The following PLXNA4 variants were observed in gnomAD, a reference collection of about 807,000 sequenced individuals.
The protein encoded by PLXNA4 is plexin-A4.
Under a neutral mutation model 191.8 loss-of-function variants are expected in PLXNA4, and 44 were observed. The ratio of observed to expected loss-of-function variants is 0.23; its 90% CI spans 0.18 to 0.29. The LOEUF is 0.29. Among genes scored for constraint, PLXNA4 ranks in the 10% least tolerant of loss-of-function variants. The pLI is 1.00. For synonymous variants in PLXNA4, 1,082 were observed against 1,009.5 expected (o/e 1.07, Z -1.36); for missense variants, 1,800 against 2,488.8 (o/e 0.72, Z 5.89).
At chr7:132,633,283 T>TA (rs1491221888) in intron 2 of PLXNA4, among the ~76,000 whole-genome samples, 13 of 27,578 alleles carry the variant, frequency 4.7e-4, no homozygotes, top group Admixed American at 4.3e-3. Flanking sequence ...GAGGTTCTCA[T>TA]TTTTTTTTTT....
intron 24 of PLXNA4, among the ~76,000 whole-genome samples, chr7:132,161,045 C>T (rs917233216): frequency 3.2e-4 from 48 of 152,326 alleles, no homozygotes; most frequent in African/African-American, 1.1e-3. Flanking sequence ...TCCCAGCTCT[C>T]CCCTCCTTCT....
intron 2 of PLXNA4, among the ~76,000 whole-genome samples, chr7:132,582,632 A>G (rs1384914231): frequency 6.6e-6 from 1 of 152,188 alleles, no homozygotes; most frequent in Non-Finnish European, 1.5e-5. Flanking sequence ...GAGCCACCCT[A>G]GGAGCCCATC....
chr7:132,363,276 C>T (rs1394499261), intron 3 of PLXNA4, among the ~76,000 whole-genome samples: 3 of 152,178 alleles, frequency 2.0e-5, no homozygotes, highest in African/African-American at 7.2e-5. Context: ...TGAGCCACCG[C>T]ACCCAGTCCC....
intron 4 of PLXNA4, among the ~76,000 whole-genome samples, chr7:132,294,002 TA>T (rs1800985847): frequency 1.3e-5 from 2 of 152,182 alleles, no homozygotes; most frequent in Admixed American, 1.3e-4. Context: ...ACAAGTAAAC[TA>T]AAGAGACTAA....
At chr7:132,430,648 A>AAT (rs1795224198) in intron 3 of PLXNA4, among the ~76,000 whole-genome samples, 1 of 152,230 alleles carries the variant, frequency 6.6e-6, no homozygotes, top group African/African-American at 2.4e-5. Context: ...TGCAGTCTTC[A>AAT]TGCCTCTTGA....
At chr7:132,438,701 C>T (rs1390274516) in intron 3 of PLXNA4, among the ~76,000 whole-genome samples, 3 of 152,212 alleles carry the variant, frequency 2.0e-5, no homozygotes, top group Non-Finnish European at 4.4e-5. Flanking sequence ...ATGCCCTGCA[C>T]ATATTAACAC....
chr7:132,206,781 G>A (rs982255254), intron 10 of PLXNA4, among the ~76,000 whole-genome samples: 11 of 152,160 alleles, frequency 7.2e-5, no homozygotes, highest in East Asian at 5.8e-4. Flanking sequence ...CCTGGACCAC[G>A]GGCTCCCGTC....
intron 3 of PLXNA4, among the ~76,000 whole-genome samples, chr7:132,316,277 T>C (rs1013459605): frequency 6.6e-6 from 1 of 152,216 alleles, no homozygotes; most frequent in African/African-American, 2.4e-5. Flanking sequence ...TCTAGTCAAC[T>C]TTTTGGGTTT....
At chr7:132,420,104 G>C (rs765894499) in intron 3 of PLXNA4, among the ~76,000 whole-genome samples, 27 of 152,158 alleles carry the variant, frequency 1.8e-4, no homozygotes, top group Middle Eastern at 3.2e-3. Context: ...AAATAGGTGG[G>C]AGTGAGGGGA....
chr7:132,509,915 G>T lies in PLXNA4; in HGVS notation c.-86-1136C>A, dbSNP rs114282008. 6.6e-3 allele frequency among the ~76,000 whole-genome samples: 1,013 copies of T among 152,338 alleles called. 12 individuals are homozygous for T. Among genetic ancestry groups the T allele is most frequent in the African/African-American group, 0.023 (963 of 41,568 alleles). On this transcript the variant is annotated intron_variant, in intron 1 of 31. Transcript: ENST00000321063. ...GCCCTAATGTTATTTTAACAAGGCA[G>T]ATCTTGGCTTCCTCCCCTAGCAGGG...
At chr7:132,538,515 C>A (rs1163851470) in intron 1 of PLXNA4, among the ~76,000 whole-genome samples, 1 of 152,222 alleles carries the variant, frequency 6.6e-6, no homozygotes, top group Non-Finnish European at 1.5e-5. Flanking sequence ...CTAAGGCTGC[C>A]CTGGACTCCA....
chr7:132,405,149 C>A (rs1342635988), intron 3 of PLXNA4, among the ~76,000 whole-genome samples: 1 of 151,912 alleles, frequency 6.6e-6, no homozygotes, highest in Non-Finnish European at 1.5e-5. Context: ...TGTATGTTTT[C>A]TACTCCATAG....
intron 10 of PLXNA4, among the ~76,000 whole-genome samples, chr7:132,209,471 G>A (rs1362532859): frequency 3.9e-5 from 6 of 152,210 alleles, no homozygotes; most frequent in Admixed American, 3.3e-4. Context: ...AACAGGAGGT[G>A]TTTCATATCT....
At chr7:132,524,949 C>G (rs974080587) in intron 1 of PLXNA4, among the ~76,000 whole-genome samples, 1 of 152,148 alleles carries the variant, frequency 6.6e-6, no homozygotes, top group Non-Finnish European at 1.5e-5. Flanking sequence ...ATCTTCACAA[C>G]TTTTAAGCGT....
At chr7:132,263,360 C>T (rs536473687) in intron 4 of PLXNA4, among the ~76,000 whole-genome samples, 21 of 152,222 alleles carry the variant, frequency 1.4e-4, no homozygotes, top group Admixed American at 1.3e-3. Context: ...TGCAGCACTT[C>T]GACCCTGCAA....
chr7:132,514,091 GC>G (rs1180979165), intron 1 of PLXNA4, among the ~76,000 whole-genome samples: 1 of 148,334 alleles, frequency 6.7e-6, no homozygotes, highest in Non-Finnish European at 1.5e-5. Flanking sequence ...TCACTCTGTT[GC>G]CCAGGCTAGA....
At chr7:132,474,622 ACACACACACACACACGCGCGCGCACG>A (rs1490702190) in intron 3 of PLXNA4, among the ~76,000 whole-genome samples, 6 of 149,426 alleles carry the variant, frequency 4.0e-5, no homozygotes, top group Admixed American at 3.3e-4. Context: ...GAGCACATGT[ACACACACACACACACGCGCGCGCACG>A]CACACACACA....
At chr7:132,363,694 T>C (rs34904952) in intron 3 of PLXNA4, among the ~76,000 whole-genome samples, 8,077 of 152,360 alleles carry the variant, frequency 0.053, 283 homozygotes, top group Non-Finnish European at 0.078. Flanking sequence ...TCAATTCTTT[T>C]GGGCATTACC....
At chr7:132,407,731 T>G (rs1215169057) in intron 3 of PLXNA4, among the ~76,000 whole-genome samples, 1 of 152,250 alleles carries the variant, frequency 6.6e-6, no homozygotes, top group African/African-American at 2.4e-5. Context: ...CCAGGGTGGA[T>G]GCAGGGCTTT....
Sources: allele counts gnomAD v4.1 joint callset (sites outside exome capture counted in the v4.1 genomes callset), GRCh38; gene constraint gnomAD v4.1.1; transcripts MANE v1.5; gene names NCBI Gene and HGNC (gene_info 2026-07-23, HGNC 2026-07-21).